The following TATDN1 variants were observed in gnomAD, a reference collection of about 807,000 sequenced individuals.
TATDN1 encodes deoxyribonuclease TATDN1.
In TATDN1, 40 loss-of-function variants were observed where a neutral mutation model predicts 46.4. The observed-to-expected ratio is 0.86, with a 90% CI of 0.67 to 1.12. The LOEUF (loss-of-function observed/expected upper bound fraction) is 1.12, where lower values mean the gene tolerates loss of function less well. Ranked by LOEUF, TATDN1 falls within the 50% of genes most tolerant of loss-of-function variation. The pLI, the probability that TATDN1 is intolerant of heterozygous loss-of-function variation, is 0.00. For synonymous variants in TATDN1, 95 were observed against 105.6 expected, an observed-to-expected ratio of 0.90 and a Z score of 0.62; for missense variants, 326 against 348.4, an observed-to-expected ratio of 0.94 and a Z score of 0.51.
At chr8:124,532,839 A>G (rs966439965) in intron 1 of TATDN1, among the ~76,000 whole-genome samples, 14 of 152,230 alleles carry the variant, frequency 9.2e-5, no homozygotes, top group African/African-American at 3.1e-4. Flanking sequence ...AATGGAAGCC[A>G]GCAGAATTTT....
chr8:124,501,188 C>CT (rs1330708956), intron 9 of TATDN1, among the ~76,000 whole-genome samples: 1 of 152,202 alleles, frequency 6.6e-6, no homozygotes. Context: ...GTGAGATCCT[C>CT]TAACCCATCC....
At chr8:124,511,920 G>T (rs766179888) in intron 6 of TATDN1, among the ~76,000 whole-genome samples, 1 of 152,146 alleles carries the variant, frequency 6.6e-6, no homozygotes, top group Non-Finnish European at 1.5e-5. Context: ...TGCACAAAGG[G>T]ATGAAGTGAC....
intron 4 of TATDN1, among the ~76,000 whole-genome samples, chr8:124,517,274 AAAAATTAGCT>A (rs1448632477): frequency 6.6e-6 from 1 of 152,074 alleles, no homozygotes; most frequent in Non-Finnish European, 1.5e-5. Context: ...CTAAAGATAC[AAAAATTAGCT>A]GGGTGTGGTG....
intron 9 of TATDN1, chr8:124,503,943 T>C (rs1050232080): frequency 1.1e-5 from 14 of 1,306,250 alleles, no homozygotes; most frequent in Non-Finnish European, 1.4e-5. Flanking sequence ...TGTATATGTA[T>C]ACATAATGCT....
chr8:124,532,666 C>T (rs1251445114), intron 1 of TATDN1, among the ~76,000 whole-genome samples: 1 of 152,190 alleles, frequency 6.6e-6, no homozygotes, highest in African/African-American at 2.4e-5. Flanking sequence ...TGGGCAACTC[C>T]AAAGACATAC....
chr8:124,490,438 A>AGGT (rs1816876909), intron 11 of TATDN1, among the ~76,000 whole-genome samples: 1 of 152,032 alleles, frequency 6.6e-6, no homozygotes, highest in Non-Finnish European at 1.5e-5. Flanking sequence ...TGAACCTGGG[A>AGGT]GGTGGAGGTT....
At chr8:124,522,263 GC>G in intron 2 of TATDN1, 63 bp from the exon 3 acceptor site, 1 of 986,626 alleles carries the variant, frequency 1.0e-6, no homozygotes, top group African/African-American at 1.7e-5. Flanking sequence ...TTTTTTTTTA[GC>G]TTCTGTGCAA....
At chr8:124,524,683 G>A (rs1308965546) in intron 1 of TATDN1, among the ~76,000 whole-genome samples, 1 of 152,176 alleles carries the variant, frequency 6.6e-6, no homozygotes, top group Non-Finnish European at 1.5e-5. Context: ...AGAGACTACT[G>A]ACAGAAGGGA....
chr8:124,534,784 A>G (rs1272827605), intron 1 of TATDN1, among the ~76,000 whole-genome samples: 1 of 152,222 alleles, frequency 6.6e-6, no homozygotes, highest in Non-Finnish European at 1.5e-5. Context: ...ACCAATTACA[A>G]GCAGTAGGTT....
chr8:124,538,681 A>AG, intron 1 of TATDN1, among the ~76,000 whole-genome samples: 1 of 152,226 alleles, frequency 6.6e-6, no homozygotes, highest in East Asian at 1.9e-4. Flanking sequence ...GCAGAGGGGA[A>AG]GGGCCGGGAG....
At chr8:124,538,585 C>T (rs969552664) in intron 1 of TATDN1, 5 of 219,162 alleles carry the variant, frequency 2.3e-5, no homozygotes, top group African/African-American at 6.9e-5. Context: ...AGTGCCAGGC[C>T]CACTTGAGGC....
chr8:124,489,743 T>A (rs1816789626), intron 11 of TATDN1: 1 of 152,204 alleles, frequency 6.6e-6, no homozygotes. Flanking sequence ...CTTACAGTAA[T>A]GATGATCCGT....
chr8:124,503,806 G>T, intron 9 of TATDN1: 1 of 745,898 alleles, frequency 1.3e-6, no homozygotes, highest in Non-Finnish European at 2.0e-6. Context: ...GAAGCCAGAG[G>T]ACATGGGTTC....
chr8:124,522,140 A>C lies in TATDN1; in HGVS notation c.138+11T>G. On this transcript the variant is annotated intron_variant, in intron 3 of 11. Coordinates refer to ENST00000276692, the MANE Select transcript of TATDN1 (RefSeq NM_032026.4). ...TTTTAAAAATCTCAAAAATAACAAA[A>C]TGGATGTTACCTTTTTAACACCAAT... The C allele has an allele frequency of 6.4e-7, 1 of 1,565,806 alleles. No homozygotes were observed. The highest frequency in any genetic ancestry group is 8.7e-7 in the Non-Finnish European group (1 of 1,149,620).
At chr8:124,507,646 T>C (rs1254582674) in intron 8 of TATDN1, among the ~76,000 whole-genome samples, 2 of 151,976 alleles carry the variant, frequency 1.3e-5, no homozygotes, top group Non-Finnish European at 1.5e-5. Flanking sequence ...TAGCTGGCCA[T>C]GGTGGCACAT....
Position 124,535,996 on chromosome 8 carries a change from A to G in TATDN1, c.22+3029T>C, listed in dbSNP as rs192883200. Among the ~76,000 whole-genome samples, 5 of 152,300 alleles carry G rather than the reference A, an allele frequency of 3.3e-5. No individual in the cohort carries two copies. In the East Asian group the frequency reaches 9.6e-4, roughly 29 times the overall value. ...ATTGGAGAGCAAATTTTAACATGAG[A>G]TTTGGAGGGGACAAATATCTAAACT... On this transcript the variant is annotated intron_variant, in intron 1 of 11. Coordinates refer to ENST00000276692, the MANE Select transcript of TATDN1 (RefSeq NM_032026.4).
At position 124,505,536 on chromosome 8, in the gene TATDN1, CAA is replaced by C. The variant is rs199714420; in HGVS notation, c.517-1191_517-1190del. Among the ~76,000 whole-genome samples, 28 of 75,302 alleles carry C rather than the reference CAA, an allele frequency of 3.7e-4. 1 individual carries two copies. Among genetic ancestry groups the C allele is most frequent in the South Asian group, 1.3e-3 (3 of 2,340 alleles). The allele number at this position is 75,302 out of a possible 152,430, so 49.4% of individuals were successfully genotyped here. On this transcript the variant is annotated intron_variant, in intron 8 of 11. Coordinates refer to ENST00000276692, the MANE Select transcript of TATDN1 (RefSeq NM_032026.4). Reference sequence around the variant, plus strand: ...GGTCAGGAGATCAGCGAAACTGTCTCAAAAAAAAAAAAAAAAGCATAAACCAT... The same window carrying C: ...GGTCAGGAGATCAGCGAAACTGTCTCAAAAAAAAAAAAAAGCATAAACCAT...
chr8:124,517,920 A>AC lies in TATDN1; in HGVS notation c.202+897dup, dbSNP rs2131491724. 3.3e-5 allele frequency among the ~76,000 whole-genome samples: 5 copies of AC among 152,148 alleles called. No homozygotes were observed. The East Asian group carries it at 7.7e-4, about 24-fold the overall frequency. On this transcript the variant is annotated intron_variant, in intron 4 of 11. Coordinates refer to ENST00000276692, the MANE Select transcript of TATDN1 (RefSeq NM_032026.4). ...CACACATGAATTCCACATCAAAAACACCTGAGGTTGGCTGGGCACGGTGGC... is the reference window on the plus strand; with the variant it reads ...CACACATGAATTCCACATCAAAAACACCCTGAGGTTGGCTGGGCACGGTGGC...
At chr8:124,500,791 A>C (rs1817898049) in intron 9 of TATDN1, among the ~76,000 whole-genome samples, 1 of 152,012 alleles carries the variant, frequency 6.6e-6, no homozygotes, top group Admixed American at 6.6e-5. Flanking sequence ...CAGGGAGAAA[A>C]CCAGGATTTT....
Sources: gnomAD v4.1 joint callset for allele counts (sites outside exome capture counted in the v4.1 genomes callset) on GRCh38, gnomAD v4.1.1 for gene constraint, MANE v1.5 for transcripts, NCBI Gene and HGNC (gene_info 2026-07-23, HGNC 2026-07-21) for gene names.